POFUT3: variants seen among roughly 807,000 people sequenced by gnomAD.
POFUT3 encodes protein O-fucosyltransferase 3.
chr8:33,314,918 ATT>A, the POFUT3 span, among the ~76,000 whole-genome samples: 1 of 152,200 alleles, frequency 6.6e-6, no homozygotes, highest in Non-Finnish European at 1.5e-5. Flanking sequence ...GAAAATGCAC[ATT>A]GAGTGTATGG....
the POFUT3 span, among the ~76,000 whole-genome samples, chr8:33,417,699 G>A: frequency 6.6e-6 from 1 of 152,150 alleles, no homozygotes; most frequent in Non-Finnish European, 1.5e-5. Flanking sequence ...TGAATAAGAA[G>A]CATCTGGTAC....
the POFUT3 span, chr8:33,460,756 T>C: frequency 1.0e-6 from 1 of 985,174 alleles, no homozygotes; most frequent in East Asian, 1.1e-4. Flanking sequence ...GTCCATTCAC[T>C]AAACCTCAGT....
chr8:33,323,999 G>A, the POFUT3 span, among the ~76,000 whole-genome samples: 1 of 152,136 alleles, frequency 6.6e-6, no homozygotes, highest in Non-Finnish European at 1.5e-5. Flanking sequence ...CAATTTCAAG[G>A]AATCAGGGCT....
the POFUT3 span, chr8:33,371,799 C>T: frequency 6.6e-6 from 1 of 152,250 alleles, no homozygotes; most frequent in African/African-American, 2.4e-5. Context: ...GGGGTATTCA[C>T]TTCTACTCTC....
At chr8:33,464,114 G>A in the POFUT3 span, among the ~76,000 whole-genome samples, 5 of 152,140 alleles carry the variant, frequency 3.3e-5, no homozygotes, top group African/African-American at 1.2e-4. Context: ...GCTATGATTG[G>A]TAAAACACTT....
chr8:33,354,005 G>A, the POFUT3 span, among the ~76,000 whole-genome samples: 5 of 152,062 alleles, frequency 3.3e-5, no homozygotes, highest in African/African-American at 1.2e-4. Flanking sequence ...TCCTCAGAAA[G>A]TGCATTTTTT....
chr8:33,327,097 C>T, the POFUT3 span, among the ~76,000 whole-genome samples: 5 of 152,148 alleles, frequency 3.3e-5, no homozygotes, highest in Non-Finnish European at 7.3e-5. Flanking sequence ...CTTTTGGTCC[C>T]CTTCTCCTAA....
chr8:33,398,498 C>T, the POFUT3 span, among the ~76,000 whole-genome samples: 56 of 152,232 alleles, frequency 3.7e-4, no homozygotes, highest in South Asian at 1.2e-3. Flanking sequence ...TTACACTGAG[C>T]GAAAATCTGC....
chr8:33,409,158 A>G, the POFUT3 span, among the ~76,000 whole-genome samples: 1 of 152,074 alleles, frequency 6.6e-6, no homozygotes. Context: ...GCTGGTGTGT[A>G]GTGTCACAAT....
the POFUT3 span, among the ~76,000 whole-genome samples, chr8:33,383,574 G>C: frequency 9.2e-5 from 14 of 152,274 alleles, 2 homozygotes; most frequent in African/African-American, 3.4e-4. Flanking sequence ...TGAGGTTGGA[G>C]GATCACTTGA....
chr8:33,331,594 G>A, the POFUT3 span, among the ~76,000 whole-genome samples: 1 of 152,180 alleles, frequency 6.6e-6, no homozygotes, highest in Non-Finnish European at 1.5e-5. Context: ...GGCCGAAGCA[G>A]GCACATTGCT....
chr8:33,407,155 GA>G, the POFUT3 span, among the ~76,000 whole-genome samples: 1 of 152,146 alleles, frequency 6.6e-6, no homozygotes, highest in Non-Finnish European at 1.5e-5. Flanking sequence ...AAATGCCAGA[GA>G]TTTCATCTAC....
At chr8:33,464,866 C>G in the POFUT3 span, among the ~76,000 whole-genome samples, 2 of 152,164 alleles carry the variant, frequency 1.3e-5, no homozygotes. Context: ...GCCTAAACCA[C>G]AGAAAACATA....
the POFUT3 span, among the ~76,000 whole-genome samples, chr8:33,407,529 A>G: frequency 5.9e-5 from 9 of 152,250 alleles, no homozygotes; most frequent in Middle Eastern, 3.2e-3. Flanking sequence ...TAGAAAAGTA[A>G]TAAAACATAA....
chr8:33,362,113 T>C, the POFUT3 span, among the ~76,000 whole-genome samples: 1 of 152,250 alleles, frequency 6.6e-6, no homozygotes, highest in East Asian at 1.9e-4. Flanking sequence ...GGGCCAATAT[T>C]CAACATTCTT....
the POFUT3 span, among the ~76,000 whole-genome samples, chr8:33,406,420 A>G: frequency 3.3e-5 from 5 of 152,088 alleles, no homozygotes; most frequent in Non-Finnish European, 2.9e-5. Context: ...TTTACCATGA[A>G]GTATACCATT....
At chr8:33,377,210 C>G in the POFUT3 span, among the ~76,000 whole-genome samples, 1 of 143,738 alleles carries the variant, frequency 7.0e-6, no homozygotes, top group Non-Finnish European at 1.5e-5. Context: ...CCAGCCCAGG[C>G]AACAGTGCAA....
the POFUT3 span, among the ~76,000 whole-genome samples, chr8:33,365,598 T>C: frequency 6.6e-6 from 1 of 152,082 alleles, no homozygotes; most frequent in Non-Finnish European, 1.5e-5. Context: ...GGACAAAGGA[T>C]ATGAACAGAC....
the POFUT3 span, among the ~76,000 whole-genome samples, chr8:33,384,963 G>A: frequency 6.6e-6 from 1 of 152,194 alleles, no homozygotes; most frequent in Admixed American, 6.5e-5. Context: ...GGGCACAGCA[G>A]TCACTGGTTT....
Sources: gnomAD v4.1 joint callset for allele counts (sites outside exome capture counted in the v4.1 genomes callset) on GRCh38, gnomAD v4.1.1 for gene constraint, MANE v1.5 for transcripts, NCBI Gene and HGNC (gene_info 2026-07-23, HGNC 2026-07-21) for gene names.